Variants in SLC25A24 observed in about 807,000 individuals in gnomAD.
SLC25A24 encodes solute carrier family 25 member 24, also known as mitochondrial adenyl nucleotide antiporter SLC25A24.
A neutral mutation model predicts 60.7 loss-of-function variants in SLC25A24; 49 were observed. That is an observed-to-expected ratio of 0.81 (90% CI 0.64 to 1.02). The LOEUF (loss-of-function observed/expected upper bound fraction) is 1.02, where lower values mean the gene tolerates loss of function less well. Among genes scored for constraint, SLC25A24 ranks in the 50% least tolerant of loss-of-function variants. The pLI is 0.00. For synonymous variants in SLC25A24, 202 were observed against 200.6 expected, an observed-to-expected ratio of 1.01 and a Z score of -0.06; for missense variants, 564 against 586.3, an observed-to-expected ratio of 0.96 and a Z score of 0.39.
rs1227458377 is a variant in SLC25A24 at position 108,139,079 on chromosome 1, T to C, written c.1228A>G (p.Arg410Gly). 6.2e-7 allele frequency: 1 copy of C among 1,601,118 alleles called. No individual in the cohort carries two copies. The highest frequency in any genetic ancestry group is 1.7e-5 in the Admixed American group (1 of 57,494). ...TCACCTTGAGCCTGCATGCGAGTTC[T>C]CACCAAAGCCAATGGGTAGCTGGCC... Reference protein sequence around the residue: ...QLASYPLALVRTRMQAQAMLE... With the variant: ...QLASYPLALVGTRMQAQAMLE... Residue 410 changes from arginine (R) to glycine (G), a missense_variant, in exon 9 of 10, where the codon AGA becomes GGA. Coordinates refer to ENST00000565488, the MANE Select transcript of SLC25A24 (RefSeq NM_013386.5).
intron 4 of SLC25A24, among the ~76,000 whole-genome samples, chr1:108,158,139 T>C (rs1031165779): frequency 6.6e-6 from 1 of 152,174 alleles, no homozygotes; most frequent in Non-Finnish European, 1.5e-5. Flanking sequence ...CCTAAACTCA[T>C]TTCCTACTGT....
chr1:108,186,281 A>G (rs1232314827), intron 1 of SLC25A24, among the ~76,000 whole-genome samples: 1 of 152,168 alleles, frequency 6.6e-6, no homozygotes, highest in Non-Finnish European at 1.5e-5. Context: ...CAACCACTTG[A>G]CCTACCACAG....
intron 6 of SLC25A24, 68 bp from the exon 7 acceptor site, chr1:108,148,454 C>T: frequency 1.1e-6 from 1 of 881,050 alleles, no homozygotes; most frequent in Non-Finnish European, 1.9e-6. Flanking sequence ...CCACCAAATT[C>T]ATATGTTGAA....
At chr1:108,144,739 G>A (rs1240169238) in intron 7 of SLC25A24, among the ~76,000 whole-genome samples, 8 of 152,084 alleles carry the variant, frequency 5.3e-5, no homozygotes, top group Admixed American at 4.6e-4. Flanking sequence ...CTTCATCCAT[G>A]TCCCTACAAA....
intron 3 of SLC25A24, among the ~76,000 whole-genome samples, chr1:108,179,280 C>A (rs1443869734): frequency 6.6e-6 from 1 of 152,078 alleles, no homozygotes; most frequent in Non-Finnish European, 1.5e-5. Context: ...AACTTTTGCA[C>A]CCTGTTGGTG....
intron 7 of SLC25A24, among the ~76,000 whole-genome samples, chr1:108,146,834 T>C (rs531313286): frequency 6.6e-6 from 1 of 152,314 alleles, no homozygotes; most frequent in Admixed American, 6.5e-5. Flanking sequence ...TTATTGAGGA[T>C]TTTCACATTG....
intron 5 of SLC25A24, among the ~76,000 whole-genome samples, chr1:108,155,624 T>C (rs1215533979): frequency 6.6e-6 from 1 of 152,040 alleles, no homozygotes; most frequent in Non-Finnish European, 1.5e-5. Flanking sequence ...GAACTGTAAA[T>C]GGGTCTGAAA....
chr1:108,189,618 C>G (rs1412748246), intron 1 of SLC25A24, among the ~76,000 whole-genome samples: 2 of 151,932 alleles, frequency 1.3e-5, no homozygotes, highest in Non-Finnish European at 2.9e-5. Context: ...AGTACAAGAC[C>G]AGTCTGGCCA....
intron 7 of SLC25A24, among the ~76,000 whole-genome samples, chr1:108,143,953 A>G (rs930722451): frequency 6.6e-6 from 1 of 152,180 alleles, no homozygotes; most frequent in African/African-American, 2.4e-5. Flanking sequence ...TGGAAGCAAG[A>G]TAATCTATTG....
chr1:108,190,090 G>A (rs1334695497), intron 1 of SLC25A24, among the ~76,000 whole-genome samples: 3 of 151,996 alleles, frequency 2.0e-5, no homozygotes, highest in East Asian at 3.9e-4. Context: ...TACTTGGCCC[G>A]AGTTTGCTAT....
chr1:108,153,984 A>G (rs1482147283), intron 6 of SLC25A24, among the ~76,000 whole-genome samples: 1 of 151,906 alleles, frequency 6.6e-6, no homozygotes, highest in African/African-American at 2.4e-5. Context: ...CTTAATAATC[A>G]TGATTTGAAT....
At chr1:108,144,316 A>G (rs1253237073) in intron 7 of SLC25A24, among the ~76,000 whole-genome samples, 1 of 152,192 alleles carries the variant, frequency 6.6e-6, no homozygotes, top group Non-Finnish European at 1.5e-5. Context: ...TTTTTGCTAT[A>G]AAGCAGTAGT....
At chr1:108,142,337 ATT>A (rs1298702013) in intron 8 of SLC25A24, among the ~76,000 whole-genome samples, 1 of 152,254 alleles carries the variant, frequency 6.6e-6, no homozygotes, top group East Asian at 1.9e-4. Context: ...CTGCAGCATT[ATT>A]CACAATGTTG....
chr1:108,189,871 AT>A (rs371641557), intron 1 of SLC25A24, among the ~76,000 whole-genome samples: 290 of 136,854 alleles, frequency 2.1e-3, no homozygotes, highest in African/African-American at 7.4e-3. Context: ...AAATTAAAAA[AT>A]ATATATATAT....
At chr1:108,179,421 T>C (rs745551994) in intron 3 of SLC25A24, among the ~76,000 whole-genome samples, 10 of 152,136 alleles carry the variant, frequency 6.6e-5, no homozygotes, top group Non-Finnish European at 1.5e-4. Context: ...TATATACACA[T>C]ATATAAAATG....
At chr1:108,194,458 G>A (rs984459104) in intron 1 of SLC25A24, among the ~76,000 whole-genome samples, 1 of 112,328 alleles carries the variant, frequency 8.9e-6, no homozygotes, top group Non-Finnish European at 1.9e-5. Flanking sequence ...TTGGGTTAGA[G>A]TCTACAGGAC....
At chr1:108,197,891 G>A (rs973083231) in intron 1 of SLC25A24, among the ~76,000 whole-genome samples, 7 of 152,210 alleles carry the variant, frequency 4.6e-5, no homozygotes, top group African/African-American at 7.2e-5. Flanking sequence ...TCAGGGTTAC[G>A]GAGGCAGATC....
At chr1:108,152,352 C>A (rs1233270002) in intron 6 of SLC25A24, among the ~76,000 whole-genome samples, 4 of 151,908 alleles carry the variant, frequency 2.6e-5, no homozygotes, top group Admixed American at 1.3e-4. Context: ...CAATCCTTAT[C>A]TTCCCCTTTA....
chr1:108,189,315 T>C (rs963123314), intron 1 of SLC25A24, among the ~76,000 whole-genome samples: 1 of 152,168 alleles, frequency 6.6e-6, no homozygotes, highest in Non-Finnish European at 1.5e-5. Context: ...TCAATCATGG[T>C]CTGAACTATT....
Sources: allele counts gnomAD v4.1 joint callset (sites outside exome capture counted in the v4.1 genomes callset), GRCh38; gene constraint gnomAD v4.1.1; transcripts MANE v1.5; gene names NCBI Gene and HGNC (gene_info 2026-07-23, HGNC 2026-07-21).